TMEM217B: variants seen among roughly 807,000 people sequenced by gnomAD.
The protein encoded by TMEM217B is transmembrane protein 217B, also known as putative transmembrane protein 217B.
the TMEM217B span, among the ~76,000 whole-genome samples, chr6:37,253,613 A>C: frequency 3.9e-5 from 6 of 152,178 alleles, no homozygotes; most frequent in Non-Finnish European, 8.8e-5. Flanking sequence ...AACATTGCAC[A>C]GTGCATTGTG....
the TMEM217B span, chr6:37,215,161 A>G: frequency 1.1e-5 from 17 of 1,605,742 alleles, no homozygotes; most frequent in Non-Finnish European, 1.4e-5. Context: ...GCCGCTAGCC[A>G]AGGTCCTCTG....
the TMEM217B span, among the ~76,000 whole-genome samples, chr6:37,229,643 TGTGCAACTTTCA>T: frequency 7.9e-5 from 12 of 152,184 alleles, no homozygotes; most frequent in African/African-American, 2.7e-4. Context: ...CGCCGGCCAA[TGTGCAACTTTCA>T]GTTTTACTAG....
At chr6:37,225,910 T>C in the TMEM217B span, among the ~76,000 whole-genome samples, 6 of 152,188 alleles carry the variant, frequency 3.9e-5, no homozygotes, top group Non-Finnish European at 7.3e-5. Flanking sequence ...TTAGCCATGA[T>C]TGGAACTGAT....
the TMEM217B span, among the ~76,000 whole-genome samples, chr6:37,257,020 G>C: frequency 1.3e-5 from 2 of 152,194 alleles, no homozygotes; most frequent in Non-Finnish European, 2.9e-5. Flanking sequence ...TGGTGGGGCC[G>C]GGAGGAGATA....
the TMEM217B span, among the ~76,000 whole-genome samples, chr6:37,225,289 T>C: frequency 6.6e-6 from 1 of 152,166 alleles, no homozygotes; most frequent in Middle Eastern, 3.4e-3. Flanking sequence ...GGGGCAGGGA[T>C]AGGGGCAGGG....
At chr6:37,215,994 GGTGTGTGTGTGT>G in the TMEM217B span, among the ~76,000 whole-genome samples, 3,593 of 149,150 alleles carry the variant, frequency 0.024, 91 homozygotes, top group African/African-American at 0.066. Flanking sequence ...GGTTCTTCAG[GGTGTGTGTGTGT>G]GTGTGTGTGT....
At chr6:37,218,166 T>G in the TMEM217B span, 2 of 1,137,674 alleles carry the variant, frequency 1.8e-6, no homozygotes. Flanking sequence ...ATAAAGCTGC[T>G]AACTTTTTTT....
At chr6:37,219,654 C>T in the TMEM217B span, among the ~76,000 whole-genome samples, 7 of 152,186 alleles carry the variant, frequency 4.6e-5, no homozygotes, top group East Asian at 7.7e-4. Flanking sequence ...ATCACTTGAG[C>T]CCAGGAAGTC....
chr6:37,257,907 C>G, the TMEM217B span: 3 of 1,613,112 alleles, frequency 1.9e-6, no homozygotes, highest in Non-Finnish European at 2.5e-6. Context: ...GGACTTCCCC[C>G]GGCCAGAGCA....
the TMEM217B span, among the ~76,000 whole-genome samples, chr6:37,256,016 A>G: frequency 1.3e-5 from 2 of 152,218 alleles, no homozygotes; most frequent in Non-Finnish European, 2.9e-5. Context: ...TTCATAGAAG[A>G]TTAAGAAAAA....
At chr6:37,230,651 G>A in the TMEM217B span, among the ~76,000 whole-genome samples, 7 of 152,188 alleles carry the variant, frequency 4.6e-5, no homozygotes, top group Non-Finnish European at 7.4e-5. Context: ...AAACCCCAAC[G>A]CTACTGACAC....
chr6:37,233,829 C>T, the TMEM217B span, among the ~76,000 whole-genome samples: 1 of 152,030 alleles, frequency 6.6e-6, no homozygotes, highest in South Asian at 2.1e-4. Flanking sequence ...GTCGATGGTT[C>T]GACTTAAATT....
At chr6:37,251,664 G>A in the TMEM217B span, among the ~76,000 whole-genome samples, 13 of 152,276 alleles carry the variant, frequency 8.5e-5, no homozygotes, top group Middle Eastern at 0.01. Context: ...AACATGCATG[G>A]GAATGCTGAA....
chr6:37,231,799 A>T, the TMEM217B span, among the ~76,000 whole-genome samples: 17 of 145,426 alleles, frequency 1.2e-4, no homozygotes, highest in Admixed American at 1.2e-3. Context: ...TAAATGTACA[A>T]TTTTTTTTTT....
the TMEM217B span, among the ~76,000 whole-genome samples, chr6:37,225,385 G>T: frequency 6.6e-6 from 1 of 151,984 alleles, no homozygotes; most frequent in Admixed American, 6.6e-5. Flanking sequence ...AAAAAAACAA[G>T]CTAGTAAATA....
At chr6:37,239,972 A>G in the TMEM217B span, among the ~76,000 whole-genome samples, 12 of 151,862 alleles carry the variant, frequency 7.9e-5, no homozygotes, top group African/African-American at 2.7e-4. Flanking sequence ...CTAGAAATTT[A>G]TTTTCTTCTT....
the TMEM217B span, among the ~76,000 whole-genome samples, chr6:37,229,947 A>AT: frequency 6.6e-6 from 1 of 152,122 alleles, no homozygotes; most frequent in Non-Finnish European, 1.5e-5. Context: ...GGCTAGCGGG[A>AT]CCCTTCTTGG....
chr6:37,256,161 G>C, the TMEM217B span, among the ~76,000 whole-genome samples: 1 of 152,230 alleles, frequency 6.6e-6, no homozygotes, highest in African/African-American at 2.4e-5. Context: ...CAGGTATCTT[G>C]TCACATGGAT....
the TMEM217B span, among the ~76,000 whole-genome samples, chr6:37,226,122 C>T: frequency 1.3e-5 from 2 of 152,054 alleles, no homozygotes; most frequent in African/African-American, 4.8e-5. Flanking sequence ...TGACTTTGCT[C>T]TTTTGAAGAA....
Sources: allele counts gnomAD v4.1 joint callset (sites outside exome capture counted in the v4.1 genomes callset), GRCh38; gene constraint gnomAD v4.1.1; transcripts MANE v1.5; gene names NCBI Gene and HGNC (gene_info 2026-07-23, HGNC 2026-07-21).